Variants in DNAH9 observed in about 807,000 individuals in gnomAD.
DNAH9 encodes the protein DNAH9 variant protein.
DNAH9 carries 345 observed loss-of-function variants against 471.6 expected under a neutral mutation model. The ratio of observed to expected loss-of-function variants is 0.73; its 90% CI spans 0.67 to 0.80. The LOEUF (loss-of-function observed/expected upper bound fraction) is 0.80. Ranked by LOEUF, DNAH9 falls within the 30% of genes least tolerant of loss-of-function variation. DNAH9 has a pLI of 0.00. For synonymous variants in DNAH9, 2,093 were observed against 2,123.6 expected (o/e 0.99, Z 0.40); for missense variants, 5,407 against 5,609.2 (o/e 0.96, Z 1.15).
At chr17:11,931,704 A>C (rs921488501) in intron 63 of DNAH9, among the ~76,000 whole-genome samples, 2 of 152,162 alleles carry the variant, frequency 1.3e-5, no homozygotes, top group East Asian at 1.9e-4. Context: ...ACCCCGGTAC[A>C]TAACATTCTT....
At chr17:11,694,081 G>A in intron 21 of DNAH9, 83 bp downstream of exon 21, 1 of 1,508,868 alleles carries the variant, frequency 6.6e-7, no homozygotes, top group Non-Finnish European at 9.0e-7. Context: ...GTGGGCAGAA[G>A]TGAGTATGGG....
intron 8 of DNAH9, among the ~76,000 whole-genome samples, chr17:11,635,984 T>G (rs60274031): frequency 0.054 from 6,979 of 128,970 alleles, 522 homozygotes; most frequent in African/African-American, 0.18. Context: ...GTTTTGTTTT[T>G]TTTGTTTGTT....
intron 19 of DNAH9, among the ~76,000 whole-genome samples, chr17:11,681,539 A>C (rs73975053): frequency 0.2 from 31,160 of 152,064 alleles, 3,626 homozygotes; most frequent in African/African-American, 0.32. Context: ...GCCAAGCTGG[A>C]GCTCAATGGT....
rs550288448 is a variant in DNAH9, at chr17:11,725,638, A to AG, written c.5710-2178dup. On this transcript the variant is annotated intron_variant, in intron 27 of 68. Coordinates refer to ENST00000262442, the MANE Select transcript of DNAH9 (RefSeq NM_001372.4). ...CTCAAACACTTTGGGAGGCCAAGGC[A>AG]GGTGGATCACTTGAGGCCAGGAGTT... Among the ~76,000 whole-genome samples the AG allele has an allele frequency of 6.6e-5, 10 of 152,232 alleles. No homozygotes were observed. The South Asian group carries it at 1.9e-3, about 28-fold the overall frequency.
intron 62 of DNAH9, among the ~76,000 whole-genome samples, chr17:11,926,072 G>A (rs940214822): frequency 2.2e-5 from 3 of 135,530 alleles, no homozygotes; most frequent in South Asian, 2.5e-4. Flanking sequence ...AGCTGGGGGG[G>A]GAGGAATACA....
chr17:11,960,353 T>C (rs1408179694), intron 67 of DNAH9, among the ~76,000 whole-genome samples: 3 of 148,742 alleles, frequency 2.0e-5, no homozygotes, highest in Non-Finnish European at 4.4e-5. Context: ...GGAGAATTCC[T>C]TGAGCTCGGG....
intron 41 of DNAH9, among the ~76,000 whole-genome samples, chr17:11,787,357 C>T (rs912446513): frequency 1.3e-5 from 2 of 152,208 alleles, no homozygotes; most frequent in Admixed American, 6.5e-5. Context: ...CAATTTACAC[C>T]TCCTTTTAAG....
At chr17:11,768,301 G>A (rs1045734541) in intron 36 of DNAH9, 152 bp from the exon 37 acceptor site, 52 of 775,770 alleles carry the variant, frequency 6.7e-5, no homozygotes, top group South Asian at 3.1e-4. Flanking sequence ...TTGGGGCAGC[G>A]CTGCCTTCCT....
chr17:11,768,339 A>T, intron 36 of DNAH9, 114 bp from the exon 37 acceptor site: 1 of 1,104,546 alleles, frequency 9.1e-7, no homozygotes, highest in Non-Finnish European at 1.3e-6. Flanking sequence ...CGGCAGGCCC[A>T]CACAGGGAGG....
chr17:11,872,311 GTCC>G (rs995641005), intron 52 of DNAH9, among the ~76,000 whole-genome samples: 12 of 151,934 alleles, frequency 7.9e-5, no homozygotes, highest in African/African-American at 2.7e-4. Context: ...AGTTCAGCTT[GTCC>G]TCCTCGTGTG....
At chr17:11,645,546 GT>G (rs957085842) in intron 11 of DNAH9, among the ~76,000 whole-genome samples, 17 of 152,160 alleles carry the variant, frequency 1.1e-4, no homozygotes, top group African/African-American at 4.1e-4. Flanking sequence ...AGGCCTTGCG[GT>G]GGTTCTCACA....
At chr17:11,814,358 T>C (rs1388773015) in intron 45 of DNAH9, among the ~76,000 whole-genome samples, 1 of 152,232 alleles carries the variant, frequency 6.6e-6, no homozygotes, top group Admixed American at 6.5e-5. Flanking sequence ...TAAGAAAACC[T>C]AGTCAGCTCC....
chr17:11,969,732 A>C lies in DNAH9; in HGVS notation c.*205A>C. The C allele has an allele frequency of 1.8e-6, 1 of 558,556 alleles. No individual in the cohort carries two copies. The highest frequency in any genetic ancestry group is 3.0e-5 in the East Asian group (1 of 32,948). The allele number at this position is 558,556 out of a possible 1,614,324, so 34.6% of individuals were successfully genotyped here. A position where few individuals can be genotyped will look rare whatever the true frequency, so the allele number is the denominator to read the frequency against. On this transcript the variant is annotated 3_prime_UTR_variant, in exon 69 of 69. Transcript: ENST00000262442. ...AATGTGGGCCCAGGTTTCTTAATAA[A>C]ATGATTTACTCTTCAACTGTGTCTG...
At position 11,690,158 on chromosome 17, in the gene DNAH9, G is replaced by A; in HGVS notation, c.4336G>A (p.Gly1446Ser). ...TLKELQTTWA[G>S]MEFQYEPHPR... ...AAAGGAGCTGCAGACTACCTGGGCT[G>A]GCATGGAATTCCAGTATGAGCCCCA... is the stretch of plus-strand genomic sequence containing the variant. The change falls in exon 20 of 69, where the codon GGC becomes AGC. Residue 1446 changes from glycine (G) to serine (S), a missense_variant. Physicochemically the swap from Gly to Ser is moderately conservative, Grantham distance 56 (BLOSUM62 0). This residue lies in a region of DNAH9 where 4,636 missense variants were observed against 4,900.3 expected (regional missense o/e 0.95). Transcript: ENST00000262442. The A allele has an allele frequency of 6.2e-7, 1 of 1,614,228 alleles. No individual in the cohort carries two copies. The highest frequency in any genetic ancestry group is 8.5e-7 in the Non-Finnish European group (1 of 1,180,048).
In DNAH9 at chr17:11,871,673, T is replaced by C. The variant is rs756402124; in HGVS notation, c.10129T>C (p.Cys3377Arg). The change falls in exon 52 of 69, where the codon TGT becomes CGT. Residue 3377 changes from cysteine (C) to arginine (R), a missense_variant. Cys to Arg is a radical substitution (Grantham distance 180). This residue lies in a region of DNAH9 where 4,636 missense variants were observed against 4,900.3 expected (regional missense o/e 0.95). Transcript: ENST00000262442. ...CTTCAAACAGCAGGAAAGGACGTTA[T>C]GTGGAGACATTTTACTTATAACGGC... is the stretch of plus-strand genomic sequence containing the variant. The part of the protein sequence containing the change: ...QNFKQQERTL[C>R]GDILLITAFI... 3 of 1,614,100 alleles carry C rather than the reference T, an allele frequency of 1.9e-6. No individual in the cohort carries two copies. Among genetic ancestry groups the C allele is most frequent in the Admixed American group, 1.7e-5 (1 of 60,004 alleles).
chr17:11,884,998 C>CTT (rs1972836460), intron 56 of DNAH9, among the ~76,000 whole-genome samples: 1 of 152,034 alleles, frequency 6.6e-6, no homozygotes, highest in Admixed American at 6.6e-5. Flanking sequence ...TTGTATGAAG[C>CTT]TTTCTTTTTC....
intron 28 of DNAH9, among the ~76,000 whole-genome samples, chr17:11,734,257 A>G (rs1228897740): frequency 6.6e-6 from 1 of 152,140 alleles, no homozygotes; most frequent in Non-Finnish European, 1.5e-5. Context: ...ATTACTACGC[A>G]CAATAAAATC....
chr17:11,746,618 G>T (rs1315493941), intron 31 of DNAH9, among the ~76,000 whole-genome samples: 1 of 151,978 alleles, frequency 6.6e-6, no homozygotes, highest in East Asian at 1.9e-4. Flanking sequence ...TCCCTCCCTC[G>T]ACACATGGGG....
intron 12 of DNAH9, among the ~76,000 whole-genome samples, chr17:11,648,309 A>T (rs1447210070): frequency 1.3e-5 from 2 of 152,222 alleles, no homozygotes; most frequent in Admixed American, 1.3e-4. Flanking sequence ...AACAAGGAAT[A>T]TAGAGAATTC....
Sources: allele counts gnomAD v4.1 joint callset (sites outside exome capture counted in the v4.1 genomes callset), GRCh38; gene constraint gnomAD v4.1.1; regional missense constraint gnomAD v4.1.1; transcripts MANE v1.5; gene names NCBI Gene and HGNC (gene_info 2026-07-23, HGNC 2026-07-21).